PDE10A: variants seen among roughly 807,000 people sequenced by gnomAD.
PDE10A encodes phosphodiesterase 10A.
A neutral mutation model predicts 97.7 loss-of-function variants in PDE10A; 39 were observed. The ratio of observed to expected loss-of-function variants is 0.40; its 90% CI spans 0.31 to 0.52. The LOEUF (loss-of-function observed/expected upper bound fraction) is 0.52, where lower values mean the gene tolerates loss of function less well. Ranked by LOEUF, PDE10A falls within the 20% of genes least tolerant of loss-of-function variation. The pLI is 0.56. For missense variants in PDE10A, 731 were observed against 1,047.8 expected, an observed-to-expected ratio of 0.70 and a Z score of 4.17; for synonymous variants, 371 against 376.8, an observed-to-expected ratio of 0.98 and a Z score of 0.18.
rs894998489 is a variant in PDE10A at position 165,418,241 on chromosome 6, T to C, written c.1796+394A>G. 2.0e-5 allele frequency among the ~76,000 whole-genome samples: 3 copies of C among 152,232 alleles called. No individual in the cohort carries two copies. The highest frequency in any genetic ancestry group is 6.5e-5 in the Admixed American group (1 of 15,286). On this transcript the variant is annotated intron_variant, in intron 11 of 21. Coordinates refer to ENST00000539869, the MANE Select transcript of PDE10A (RefSeq NM_001385079.1). The surrounding 1 kb of genome is among the most constrained non-coding windows in gnomAD (Gnocchi z 4.8). The stretch of plus-strand genomic sequence containing the variant: ...GATCAATTTCTACTACTGTCTGGAC[T>C]GCGAGACAGGCCACCGGTTGGGAAG...
At chr6:165,564,197 T>C (rs1784663300) in intron 1 of PDE10A, among the ~76,000 whole-genome samples, 1 of 152,190 alleles carries the variant, frequency 6.6e-6, no homozygotes. Context: ...AGGACAGGTT[T>C]CCTGAAGAGT....
intron 1 of PDE10A, among the ~76,000 whole-genome samples, chr6:165,640,122 G>C (rs1789063042): frequency 6.6e-6 from 1 of 151,520 alleles, no homozygotes; most frequent in Admixed American, 6.6e-5. Context: ...AGGTCTTTAA[G>C]TTGCATGCAT....
intron 1 of PDE10A, among the ~76,000 whole-genome samples, chr6:165,833,225 T>G (rs75538553): frequency 0.014 from 2,194 of 152,340 alleles, 48 homozygotes; most frequent in African/African-American, 0.048. Flanking sequence ...TTTTTTTCTC[T>G]TTATTGTATG....
At chr6:165,878,067 T>C (rs940083471) in intron 1 of PDE10A, among the ~76,000 whole-genome samples, 2 of 152,162 alleles carry the variant, frequency 1.3e-5, no homozygotes, top group African/African-American at 4.8e-5. Context: ...AAGATACCAC[T>C]TCATTTAAAG....
chr6:165,661,976 C>A lies in PDE10A; in HGVS notation c.836G>T (p.Arg279Leu). 7.9e-7 allele frequency: 1 copy of A among 1,263,444 alleles called. No individual in the cohort carries two copies. The highest frequency in any genetic ancestry group is 1.1e-6 in the Non-Finnish European group (1 of 889,910). 78.3% of individuals were successfully genotyped at this position (1,263,444 alleles called of 1,614,324 possible). The change falls in exon 1 of 22, where the codon CGA (arginine) becomes CTA (leucine). Residue 279 changes from arginine (R) to leucine (L), a missense_variant. Arg to Leu is a moderately radical substitution (Grantham distance 102). Transcript: ENST00000539869. The surrounding 1 kb of genome is among the most constrained non-coding windows in gnomAD (Gnocchi z 4.8). ...DGPSNNASCF[R>L]RLTECFLSPS... ...GCTCAGGAAGCACTCGGTCAGCCTT[C>A]GGAAGCAGCTCGCATTATTAGAAGG...
intron 3 of PDE10A, among the ~76,000 whole-genome samples, chr6:165,478,394 G>A (rs1779412703): frequency 6.6e-6 from 1 of 152,120 alleles, no homozygotes. Flanking sequence ...ATCTAGTTCA[G>A]GCAATGATGG....
At chr6:165,987,734 C>G (rs993258271) in exon 1 of PDE10A, 1 of 456,540 alleles carries the variant, frequency 2.2e-6, no homozygotes, top group Non-Finnish European at 4.4e-6. Flanking sequence ...CACGCTCGCG[C>G]GCTCCGCTCA....
exon 1 of PDE10A, chr6:165,987,553 A>G (rs1309363953): frequency 5.2e-6 from 2 of 381,880 alleles, no homozygotes; most frequent in East Asian, 7.3e-5. Flanking sequence ...TGACGCGCAT[A>G]TCTGCTTTCC....
intron 1 of PDE10A, among the ~76,000 whole-genome samples, chr6:165,847,026 G>A (rs144047029): frequency 4.5e-4 from 68 of 152,320 alleles, no homozygotes; most frequent in African/African-American, 1.6e-3. Flanking sequence ...ACGTTAGGGC[G>A]TGTTTATTTT....
intron 1 of PDE10A, among the ~76,000 whole-genome samples, chr6:165,700,132 G>A (rs1304452055): frequency 6.6e-6 from 1 of 152,144 alleles, no homozygotes; most frequent in African/African-American, 2.4e-5. Context: ...ACAAAATGAA[G>A]TACTGATACA....
At chr6:165,897,206 G>A (rs1236026793) in intron 1 of PDE10A, among the ~76,000 whole-genome samples, 1 of 152,202 alleles carries the variant, frequency 6.6e-6, no homozygotes, top group Non-Finnish European at 1.5e-5. Context: ...AAGTGCTTTG[G>A]TGGAAACAGT....
chr6:165,903,038 T>C (rs78216990), intron 1 of PDE10A, among the ~76,000 whole-genome samples: 14,346 of 152,276 alleles, frequency 0.094, 846 homozygotes, highest in African/African-American at 0.16. Flanking sequence ...ACAGAAGTCA[T>C]TCCTGACACT....
intron 1 of PDE10A, among the ~76,000 whole-genome samples, chr6:165,938,740 A>G (rs1783419177): frequency 6.6e-6 from 1 of 151,826 alleles, no homozygotes; most frequent in South Asian, 2.1e-4. Flanking sequence ...CAACATCAAA[A>G]ATAAAACAAA....
chr6:165,979,721 TC>T (rs1784954693), intron 1 of PDE10A, among the ~76,000 whole-genome samples: 1 of 152,136 alleles, frequency 6.6e-6, no homozygotes, highest in African/African-American at 2.4e-5. Context: ...ACACCACCAC[TC>T]CCACTCTTTG....
chr6:165,760,216 C>G (rs1193140358), intron 1 of PDE10A, among the ~76,000 whole-genome samples: 1 of 152,178 alleles, frequency 6.6e-6, no homozygotes, highest in Non-Finnish European at 1.5e-5. Flanking sequence ...GAAGGTTTTT[C>G]ATCTTAATTA....
At chr6:165,659,850 T>C (rs772783577) in intron 1 of PDE10A, among the ~76,000 whole-genome samples, 5 of 152,166 alleles carry the variant, frequency 3.3e-5, no homozygotes, top group Non-Finnish European at 5.9e-5. Context: ...TATCCAGAGC[T>C]GCGATCTTTC....
At chr6:165,500,185 T>A (rs581966) in intron 2 of PDE10A, among the ~76,000 whole-genome samples, 49,249 of 151,962 alleles carry the variant, frequency 0.32, 9,535 homozygotes, top group African/African-American at 0.55. Context: ...ACATACATAC[T>A]AATAACATAG....
intron 1 of PDE10A, among the ~76,000 whole-genome samples, chr6:165,851,424 C>CCT (rs1780569176): frequency 6.6e-6 from 1 of 152,234 alleles, no homozygotes; most frequent in Non-Finnish European, 1.5e-5. Flanking sequence ...TATTTTACAA[C>CCT]TGGGCATCCA....
chr6:165,958,758 A>AAAGAAAGAAAG (rs1562327887), intron 1 of PDE10A, among the ~76,000 whole-genome samples: 1 of 140,164 alleles, frequency 7.1e-6, no homozygotes, highest in South Asian at 2.4e-4. Context: ...AGAAAGAAAG[A>AAAGAAAGAAAG]AAGAAAGAAG....
Sources: allele counts gnomAD v4.1 joint callset (sites outside exome capture counted in the v4.1 genomes callset), GRCh38; gene constraint gnomAD v4.1.1; non-coding constraint Gnocchi (gnomAD v3.1); transcripts MANE v1.5; gene names NCBI Gene and HGNC (gene_info 2026-07-23, HGNC 2026-07-21).